The following SYBU variants were observed in gnomAD, a reference collection of about 807,000 sequenced individuals.
SYBU encodes the protein syntabulin, also known as GOLSYN A protein.
In SYBU, 21 loss-of-function variants were observed where a neutral mutation model predicts 35.9. The ratio of observed to expected loss-of-function variants is 0.58; its 90% CI spans 0.41 to 0.84. The LOEUF (loss-of-function observed/expected upper bound fraction) is 0.84. SYBU is among the 40% of genes least tolerant of loss of function. The pLI, the probability that SYBU is intolerant of heterozygous loss-of-function variation, is 0.00. For missense variants in SYBU, 768 were observed against 848.2 expected, an observed-to-expected ratio of 0.91 and a Z score of 1.17; for synonymous variants, 319 against 324.3, an observed-to-expected ratio of 0.98 and a Z score of 0.18.
chr8:109,607,805 AACTCACAC>A, intron 3 of SYBU: 2 of 332,270 alleles, frequency 6.0e-6, no homozygotes, highest in Non-Finnish European at 9.7e-6. Context: ...TACCACAACT[AACTCACAC>A]ACACACACAC....
At chr8:109,685,590 T>C (rs1032118857), upstream of SYBU, among the ~76,000 whole-genome samples, 1 of 152,254 alleles carries the variant, frequency 6.6e-6, no homozygotes, top group Admixed American at 6.5e-5. Flanking sequence ...TTATTTTTTA[T>C]GCAAATGCAG....
At chr8:109,655,053 T>G (rs1169152256) in intron 1 of SYBU, among the ~76,000 whole-genome samples, 2 of 152,202 alleles carry the variant, frequency 1.3e-5, no homozygotes, top group Non-Finnish European at 2.9e-5. Flanking sequence ...TCAAATGAAA[T>G]CTTTCAATGC....
chr8:109,590,688 A>G (rs1319394348), intron 3 of SYBU, among the ~76,000 whole-genome samples: 3 of 150,258 alleles, frequency 2.0e-5, no homozygotes, highest in Non-Finnish European at 2.9e-5. Flanking sequence ...GGTCAAAGAC[A>G]AATAGATACA....
At chr8:109,661,266 C>T (rs1004914426) in intron 1 of SYBU, among the ~76,000 whole-genome samples, 8 of 152,090 alleles carry the variant, frequency 5.3e-5, no homozygotes, top group Non-Finnish European at 1.2e-4. Flanking sequence ...AGAGAAGCTC[C>T]CTATCAGGGT....
chr8:109,665,330 G>A (rs1816716660), intron 1 of SYBU, among the ~76,000 whole-genome samples: 1 of 152,176 alleles, frequency 6.6e-6, no homozygotes, highest in South Asian at 2.1e-4. Flanking sequence ...TAATTCAAGT[G>A]CTTGATAACC....
chr8:109,579,534 C>CCTGCCTCAGCCTCCTG (rs1387545078), intron 5 of SYBU, among the ~76,000 whole-genome samples: 1 of 152,158 alleles, frequency 6.6e-6, no homozygotes, highest in African/African-American at 2.4e-5. Context: ...AAGCAATTCT[C>CCTGCCTCAGCCTCCTG]CTGCCTCAGC....
In SYBU at chr8:109,691,464, G is replaced by C; in HGVS notation, c.-189C>G. The C allele has an allele frequency of 1.7e-6, 1 of 575,192 alleles. No individual in the cohort carries two copies. The highest frequency in any genetic ancestry group is 3.0e-6 in the Non-Finnish European group (1 of 333,348). 35.6% of individuals were successfully genotyped at this position (575,192 alleles called of 1,614,324 possible). On this transcript the variant is annotated 5_prime_UTR_variant, in exon 1 of 8. Coordinates refer to the SYBU transcript ENST00000422135. This position sits in a 1 kb window ranked among gnomAD's most constrained non-coding sequence, Gnocchi z 4.7. ...CGCGTCGCTGCTGGTTTGCGCTCAG[G>C]CCCGGGGAGCCGGGCCCGGCCCGCT...
At chr8:109,683,099 G>T (rs1026602444), upstream of SYBU, among the ~76,000 whole-genome samples, 2 of 152,216 alleles carry the variant, frequency 1.3e-5, no homozygotes, top group African/African-American at 4.8e-5. Context: ...ACCTCTGTTA[G>T]GGCAGTGTTG....
intron 2 of SYBU, among the ~76,000 whole-genome samples, chr8:109,620,439 G>T (rs931150543): frequency 5.3e-5 from 8 of 152,150 alleles, no homozygotes; most frequent in Non-Finnish European, 1.2e-4. Context: ...AAAACATGCT[G>T]ATTGCTAGAA....
intron 3 of SYBU, chr8:109,607,805 AACTCAC>A (rs1316698995): frequency 6.0e-6 from 2 of 332,380 alleles, no homozygotes; most frequent in Non-Finnish European, 9.7e-6. Context: ...TACCACAACT[AACTCAC>A]ACACACACAC....
intron 3 of SYBU, among the ~76,000 whole-genome samples, chr8:109,610,113 C>A (rs764579461): frequency 6.6e-6 from 1 of 152,132 alleles, no homozygotes; most frequent in African/African-American, 2.4e-5. Flanking sequence ...TCCTTAAGCA[C>A]GGAACAATAA....
At chr8:109,588,949 C>T (rs919969690) in intron 3 of SYBU, among the ~76,000 whole-genome samples, 7 of 152,148 alleles carry the variant, frequency 4.6e-5, no homozygotes, top group Non-Finnish European at 7.3e-5. Flanking sequence ...CACCTGAGGT[C>T]AGGAGTTCGA....
intron 1 of SYBU, among the ~76,000 whole-genome samples, chr8:109,652,776 G>A (rs923160644): frequency 6.6e-6 from 1 of 152,162 alleles, no homozygotes; most frequent in African/African-American, 2.4e-5. Flanking sequence ...TCAATAAATG[G>A]AACATTATTT....
At chr8:109,658,636 C>T (rs971664338) in intron 1 of SYBU, among the ~76,000 whole-genome samples, 2 of 151,908 alleles carry the variant, frequency 1.3e-5, no homozygotes, top group Non-Finnish European at 2.9e-5. Flanking sequence ...TTTACATCCA[C>T]GCTAAGCTCT....
At chr8:109,578,905 A>G (rs1402624540) in intron 5 of SYBU, among the ~76,000 whole-genome samples, 1 of 152,176 alleles carries the variant, frequency 6.6e-6, no homozygotes, top group Non-Finnish European at 1.5e-5. Context: ...CTTCTTCTGA[A>G]GGGAAGAAGT....
chr8:109,612,753 G>T (rs898241156), intron 3 of SYBU, among the ~76,000 whole-genome samples: 1 of 152,192 alleles, frequency 6.6e-6, no homozygotes, highest in Non-Finnish European at 1.5e-5. Context: ...GCCAAGGCGG[G>T]CAGATCACCT....
At chr8:109,619,541 T>A (rs927287700) in intron 2 of SYBU, among the ~76,000 whole-genome samples, 1 of 152,200 alleles carries the variant, frequency 6.6e-6, no homozygotes, top group African/African-American at 2.4e-5. Context: ...GTAAGCTTTT[T>A]GACACAAATA....
intron 2 of SYBU, among the ~76,000 whole-genome samples, chr8:109,628,030 T>C (rs1051220240): frequency 6.6e-6 from 1 of 152,210 alleles, no homozygotes; most frequent in African/African-American, 2.4e-5. Context: ...TTGAAGTGTA[T>C]AAATCTCATC....
At chr8:109,666,614 G>A (rs1422625171) in intron 1 of SYBU, among the ~76,000 whole-genome samples, 1 of 152,114 alleles carries the variant, frequency 6.6e-6, no homozygotes, top group East Asian at 1.9e-4. Context: ...GGTGATGCAT[G>A]CCTGTAATCC....
Sources: gnomAD v4.1 joint callset for allele counts (sites outside exome capture counted in the v4.1 genomes callset) on GRCh38, gnomAD v4.1.1 for gene constraint, Gnocchi (gnomAD v3.1) non-coding constraint, MANE v1.5 for transcripts, NCBI Gene and HGNC (gene_info 2026-07-23, HGNC 2026-07-21) for gene names.